Variants in ROBO2 observed in about 807,000 individuals in gnomAD.
The protein encoded by ROBO2 is roundabout homolog 2.
ROBO2 carries 53 observed loss-of-function variants against 160.8 expected under a neutral mutation model. The ratio of observed to expected loss-of-function variants is 0.33; its 90% CI spans 0.26 to 0.41. The LOEUF (loss-of-function observed/expected upper bound fraction) is 0.41, where lower values mean the gene tolerates loss of function less well. Ranked by LOEUF, ROBO2 falls within the 10% of genes least tolerant of loss-of-function variation. The pLI, the probability that ROBO2 is intolerant of heterozygous loss-of-function variation, is 1.00. For synonymous variants in ROBO2, 664 were observed against 611.7 expected, an observed-to-expected ratio of 1.09 and a Z score of -1.26; for missense variants, 1,577 against 1,722.4, an observed-to-expected ratio of 0.92 and a Z score of 1.49.
intron 17 of ROBO2, among the ~76,000 whole-genome samples, chr3:77,591,375 C>T (rs1418095504): frequency 6.6e-6 from 1 of 152,178 alleles, no homozygotes; most frequent in Non-Finnish European, 1.5e-5. Flanking sequence ...AGCTTCCTCA[C>T]TCAAAATGTC....
intron 2 of ROBO2, among the ~76,000 whole-genome samples, chr3:76,666,562 A>G (rs1378548057): frequency 2.0e-5 from 3 of 152,178 alleles, no homozygotes; most frequent in African/African-American, 7.2e-5. Flanking sequence ...GAAAACACCA[A>G]TAATGGAATA....
chr3:76,119,916 CCCTTCCTTCCTTCCTTCCTTCCTTCCTT>C (rs551169822), intron 2 of ROBO2, among the ~76,000 whole-genome samples: 4 of 88,178 alleles, frequency 4.5e-5, no homozygotes, highest in Admixed American at 1.2e-4. Context: ...TTCCCTCCCT[CCCTTCCTTCCTTCCTTCCTTCCTTCCTT>C]CCTTCCTTCC....
At chr3:77,230,951 AGG>A (rs369292588) in intron 2 of ROBO2, among the ~76,000 whole-genome samples, 1 of 152,198 alleles carries the variant, frequency 6.6e-6, no homozygotes, top group African/African-American at 2.4e-5. Context: ...CTACCTTCAT[AGG>A]CAAATTGATT....
At chr3:76,821,132 C>T (rs1178632647) in intron 2 of ROBO2, among the ~76,000 whole-genome samples, 3 of 151,832 alleles carry the variant, frequency 2.0e-5, no homozygotes, top group South Asian at 2.1e-4. Flanking sequence ...TCAAAACAAT[C>T]GAAAAAATAA....
intron 5 of ROBO2, among the ~76,000 whole-genome samples, chr3:77,516,842 A>C (rs1218540423): frequency 6.6e-6 from 1 of 151,706 alleles, no homozygotes; most frequent in South Asian, 2.1e-4. Flanking sequence ...TTAATCTCTC[A>C]GTACTGCATA....
chr3:76,724,338 C>G (rs2093513497), intron 2 of ROBO2, among the ~76,000 whole-genome samples: 2 of 152,138 alleles, frequency 1.3e-5, no homozygotes, highest in South Asian at 4.1e-4. Context: ...ATATGTTCAA[C>G]AAACCACAAT....
rs539755193 is a variant in ROBO2 at position 77,633,277 on chromosome 3, T to C, written c.3761-1593T>C. The C allele has an allele frequency of 5.3e-5, 8 of 152,330 alleles. No individual in the cohort carries two copies. The South Asian group carries it at 1.7e-3, about 32-fold the overall frequency. 9.4% of individuals were successfully genotyped at this position (152,330 alleles called of 1,614,324 possible). A position where few individuals can be genotyped will look rare whatever the true frequency, so the allele number is the denominator to read the frequency against. ...AATAATGACTACATGTGTATTTCTCTTTAGAATAATTTAATTTTGATTTCT... is the reference window on the plus strand; with the variant it reads ...AATAATGACTACATGTGTATTTCTCCTTAGAATAATTTAATTTTGATTTCT... On this transcript the variant is annotated intron_variant, in intron 23 of 25. Coordinates refer to ENST00000461745, the Ensembl canonical transcript of ROBO2.
intron 2 of ROBO2, among the ~76,000 whole-genome samples, chr3:76,741,556 T>A (rs1018293107): frequency 6.6e-6 from 1 of 152,066 alleles, no homozygotes; most frequent in Non-Finnish European, 1.5e-5. Flanking sequence ...TTGAAAAAGA[T>A]AGTTGATTGA....
At chr3:77,549,048 T>A (rs1471077815) in intron 7 of ROBO2, among the ~76,000 whole-genome samples, 9 of 151,940 alleles carry the variant, frequency 5.9e-5, no homozygotes, top group Non-Finnish European at 1.2e-4. Flanking sequence ...GCCAATTAGC[T>A]CTAATAGGAT....
chr3:76,134,876 ATAAG>A (rs1406522886), intron 2 of ROBO2, among the ~76,000 whole-genome samples: 1 of 152,122 alleles, frequency 6.6e-6, no homozygotes, highest in Non-Finnish European at 1.5e-5. Flanking sequence ...ACAAAAAAAA[ATAAG>A]TAGGGTAGAC....
intron 2 of ROBO2, among the ~76,000 whole-genome samples, chr3:76,654,654 C>A (rs547056337): frequency 9.2e-5 from 14 of 152,046 alleles, no homozygotes; most frequent in African/African-American, 3.1e-4. Context: ...GATCTGTGCT[C>A]ACTTGGAAGG....
intron 2 of ROBO2, among the ~76,000 whole-genome samples, chr3:77,431,402 A>C (rs2078756589): frequency 6.6e-6 from 1 of 152,234 alleles, no homozygotes; most frequent in South Asian, 2.1e-4. Context: ...CTAATGAGGA[A>C]AAGCTAAACA....
chr3:77,642,664 T>C lies in ROBO2; in HGVS notation c.3935-2040T>C. On this transcript the variant is annotated intron_variant, in intron 24 of 25. Coordinates refer to ENST00000461745, the Ensembl canonical transcript of ROBO2. ...AGTCCATTCTAAACATTATTCAAAA[T>C]TTTTAGATCTTCCACCACCACCAGA... The C allele has an allele frequency of 2.2e-6, 1 of 452,592 alleles. No individual in the cohort carries two copies. The highest frequency in any genetic ancestry group is 7.0e-5 in the East Asian group (1 of 14,358). The allele number at this position is 452,592 out of a possible 1,614,324, so 28.0% of individuals were successfully genotyped here.
At chr3:76,511,785 A>C (rs2081102546) in intron 2 of ROBO2, among the ~76,000 whole-genome samples, 1 of 152,030 alleles carries the variant, frequency 6.6e-6, no homozygotes, top group South Asian at 2.1e-4. Flanking sequence ...ATGAGAGAAA[A>C]ATTATATCTG....
intron 2 of ROBO2, among the ~76,000 whole-genome samples, chr3:76,243,670 TAAGAA>T (rs904037046): frequency 2.2e-4 from 33 of 152,198 alleles, no homozygotes; most frequent in African/African-American, 8.0e-4. Flanking sequence ...TGCCTGCAGA[TAAGAA>T]AAGTGCTCTT....
intron 2 of ROBO2, among the ~76,000 whole-genome samples, chr3:76,890,615 T>C (rs747904455): frequency 8.5e-5 from 13 of 152,180 alleles, no homozygotes; most frequent in Non-Finnish European, 1.3e-4. Context: ...GGTAAATATA[T>C]ATTGCTATGG....
At chr3:77,004,172 C>T (rs1031956416) in intron 2 of ROBO2, among the ~76,000 whole-genome samples, 1 of 152,062 alleles carries the variant, frequency 6.6e-6, no homozygotes, top group Non-Finnish European at 1.5e-5. Flanking sequence ...ATATCAATAA[C>T]AGAAATATTT....
At chr3:77,277,282 T>C (rs1239080037) in intron 2 of ROBO2, among the ~76,000 whole-genome samples, 1 of 151,206 alleles carries the variant, frequency 6.6e-6, no homozygotes, top group Non-Finnish European at 1.5e-5. Context: ...TTAGAGTTCA[T>C]TGCATTTTTT....
At chr3:76,612,588 C>T (rs142390403) in intron 2 of ROBO2, among the ~76,000 whole-genome samples, 2 of 152,056 alleles carry the variant, frequency 1.3e-5, no homozygotes, top group African/African-American at 2.4e-5. Context: ...GACAAATACC[C>T]AATGCATGTG....
Sources: allele counts gnomAD v4.1 joint callset (sites outside exome capture counted in the v4.1 genomes callset), GRCh38; gene constraint gnomAD v4.1.1; transcripts MANE v1.5; gene names NCBI Gene and HGNC (gene_info 2026-07-23, HGNC 2026-07-21).